Variants in RABGAP1L observed in about 807,000 individuals in gnomAD.
RABGAP1L encodes RAB GTPase activating protein 1 like, also known as rab GTPase-activating protein 1-like.
A neutral mutation model predicts 137.7 loss-of-function variants in RABGAP1L; 63 were observed. The observed-to-expected ratio is 0.46, with a 90% CI of 0.37 to 0.56. The LOEUF (loss-of-function observed/expected upper bound fraction) is 0.56. Ranked by LOEUF, RABGAP1L falls within the 20% of genes least tolerant of loss-of-function variation. The pLI, the probability that RABGAP1L is intolerant of heterozygous loss-of-function variation, is 0.00. For missense variants in RABGAP1L, 1,095 were observed against 1,244.0 expected, an observed-to-expected ratio of 0.88 and a Z score of 1.80; for synonymous variants, 431 against 433.7, an observed-to-expected ratio of 0.99 and a Z score of 0.08.
At chr1:174,200,757 A>G (rs577522654) in intron 1 of RABGAP1L, among the ~76,000 whole-genome samples, 43 of 152,288 alleles carry the variant, frequency 2.8e-4, no homozygotes, top group African/African-American at 1.0e-3. Context: ...TCTAATAATT[A>G]TGCTGCAATA....
At position 174,221,046 on chromosome 1, in the gene RABGAP1L, C is replaced by A; in HGVS notation, c.213C>A (p.Ser71Arg). Reference protein sequence around the residue: ...EILRDSEKRPSSLLVDCQSSS... With the variant: ...EILRDSEKRPRSLLVDCQSSS... ...TGAGAGATTCCGAGAAAAGGCCAAG[C>A]AGTCTTCTTGTTGATTGTCAAAGTT... The change falls in exon 3 of 26, where the codon AGC (serine) becomes AGA (arginine). Residue 71 changes from serine (S) to arginine (R), a missense_variant. Around this residue, in one of 4 missense-constraint regions of RABGAP1L, gnomAD observed 356 missense variants for 326.3 expected, o/e 1.09. Coordinates refer to ENST00000681986, the MANE Select transcript of RABGAP1L (RefSeq NM_001366446.1). The A allele has an allele frequency of 6.2e-7, 1 of 1,613,828 alleles. No homozygotes were observed. Among genetic ancestry groups the A allele is most frequent in the East Asian group, 2.2e-5 (1 of 44,838 alleles).
intron 19 of RABGAP1L, among the ~76,000 whole-genome samples, chr1:174,931,914 G>T (rs1663858571): frequency 1.3e-5 from 2 of 151,408 alleles, no homozygotes. Flanking sequence ...TGTACCTAGG[G>T]GTAGATTTTT....
chr1:174,875,063 T>G (rs1652859610), intron 19 of RABGAP1L, among the ~76,000 whole-genome samples: 1 of 152,228 alleles, frequency 6.6e-6, no homozygotes, highest in African/African-American at 2.4e-5. Flanking sequence ...TTCTAGTCAC[T>G]GTGGCTAATT....
At chr1:174,476,672 C>T (rs139311061) in intron 13 of RABGAP1L, among the ~76,000 whole-genome samples, 67 of 152,256 alleles carry the variant, frequency 4.4e-4, no homozygotes, top group African/African-American at 1.6e-3. Context: ...AAGGATTTGA[C>T]AAGTTAATTA....
At chr1:174,900,897 G>A (rs1182560248) in intron 19 of RABGAP1L, among the ~76,000 whole-genome samples, 1 of 151,786 alleles carries the variant, frequency 6.6e-6, no homozygotes, top group Non-Finnish European at 1.5e-5. Context: ...TTTCCAACCT[G>A]GTTATTTTCT....
At chr1:174,429,887 T>G (rs1438844212) in intron 13 of RABGAP1L, among the ~76,000 whole-genome samples, 1 of 152,146 alleles carries the variant, frequency 6.6e-6, no homozygotes, top group Non-Finnish European at 1.5e-5. Context: ...CAAGTTAGTC[T>G]ATAAATACTG....
intron 13 of RABGAP1L, among the ~76,000 whole-genome samples, chr1:174,568,169 A>G (rs185344543): frequency 4.9e-4 from 74 of 152,116 alleles, no homozygotes; most frequent in Admixed American, 2.8e-3. Context: ...AAAGAGAGCA[A>G]GCAGGGTGGA....
chr1:174,877,454 C>A, intron 19 of RABGAP1L: 1 of 1,612,290 alleles, frequency 6.2e-7, no homozygotes, highest in East Asian at 2.2e-5. Context: ...TGGTCTGGAG[C>A]TGGGACAGCA....
Position 174,932,252 on chromosome 1 carries a change from GT to G in RABGAP1L, c.2341-25192del, listed in dbSNP as rs918212609. On this transcript the variant is annotated intron_variant, in intron 19 of 25. Coordinates refer to ENST00000681986, the MANE Select transcript of RABGAP1L (RefSeq NM_001366446.1). ...TTATTCATTTATTTAATACTTCTTT[GT>G]TTTTTTTTTTTTAAAAGAAGAATGC... Among the ~76,000 whole-genome samples, 271 of 139,948 alleles carry G rather than the reference GT, an allele frequency of 1.9e-3. No homozygotes were observed. In the Middle Eastern group the frequency reaches 0.022, roughly 12 times the overall value. 91.8% of individuals were successfully genotyped at this position (139,948 alleles called of 152,430 possible). A position where few individuals can be genotyped will look rare whatever the true frequency, so the allele number is the denominator to read the frequency against.
At chr1:174,353,825 A>G (rs1683392751) in intron 11 of RABGAP1L, among the ~76,000 whole-genome samples, 1 of 152,206 alleles carries the variant, frequency 6.6e-6, no homozygotes, top group Non-Finnish European at 1.5e-5. Context: ...GTTCAAGACC[A>G]TCTTTTTTCC....
At chr1:174,600,035 G>T (rs1367116698) in intron 13 of RABGAP1L, among the ~76,000 whole-genome samples, 7 of 152,114 alleles carry the variant, frequency 4.6e-5, no homozygotes, top group African/African-American at 1.7e-4. Flanking sequence ...TGGACTTACA[G>T]TTCGACATGG....
At chr1:174,531,672 G>A (rs992872534) in intron 13 of RABGAP1L, among the ~76,000 whole-genome samples, 2 of 146,950 alleles carry the variant, frequency 1.4e-5, no homozygotes, top group Middle Eastern at 3.4e-3. Context: ...ATTTGAGGCT[G>A]TAGTGTGCTT....
At chr1:174,785,070 G>GT (rs1391017974) in intron 18 of RABGAP1L, among the ~76,000 whole-genome samples, 1 of 151,800 alleles carries the variant, frequency 6.6e-6, no homozygotes, top group Non-Finnish European at 1.5e-5. Context: ...TTTTATTTTT[G>GT]TTTTTATTTT....
intron 18 of RABGAP1L, among the ~76,000 whole-genome samples, chr1:174,811,511 T>C (rs972901277): frequency 6.6e-6 from 1 of 152,222 alleles, no homozygotes; most frequent in African/African-American, 2.4e-5. Context: ...CTTTTCCTTT[T>C]TTAGCCTTAT....
intron 13 of RABGAP1L, among the ~76,000 whole-genome samples, chr1:174,603,080 G>A (rs1670534795): frequency 6.6e-6 from 1 of 152,054 alleles, no homozygotes; most frequent in South Asian, 2.1e-4. Flanking sequence ...GTTTGTTCCT[G>A]TCTTTTTGGA....
intron 14 of RABGAP1L, 23 bp from the exon 15 acceptor site, chr1:174,683,499 C>T: frequency 6.4e-7 from 1 of 1,552,082 alleles, no homozygotes; most frequent in South Asian, 1.1e-5. Flanking sequence ...TACGATATTT[C>T]TTTCTTTTCA....
intron 19 of RABGAP1L, among the ~76,000 whole-genome samples, chr1:174,912,326 A>G (rs993023430): frequency 2.0e-5 from 3 of 152,018 alleles, no homozygotes; most frequent in Admixed American, 2.0e-4. Context: ...ATTTTTTTGT[A>G]GAAATGGGGC....
At chr1:174,440,123 T>A (rs1007992525) in intron 13 of RABGAP1L, among the ~76,000 whole-genome samples, 5 of 152,032 alleles carry the variant, frequency 3.3e-5, no homozygotes, top group Non-Finnish European at 7.4e-5. Context: ...TTGTGACTGG[T>A]GGGTGAGGGA....
At chr1:174,385,737 G>T (rs1285566164) in intron 12 of RABGAP1L, among the ~76,000 whole-genome samples, 1 of 152,208 alleles carries the variant, frequency 6.6e-6, no homozygotes. Context: ...TGACACAGTA[G>T]TCAAGTGCTG....
Sources: allele counts gnomAD v4.1 joint callset (sites outside exome capture counted in the v4.1 genomes callset), GRCh38; gene constraint gnomAD v4.1.1; regional missense constraint gnomAD v4.1.1; transcripts MANE v1.5; gene names NCBI Gene and HGNC (gene_info 2026-07-23, HGNC 2026-07-21).